NEBL: variants seen among roughly 807,000 people sequenced by gnomAD.
NEBL encodes the protein LIM and SH3 protein 2.
Under a neutral mutation model 140.2 loss-of-function variants are expected in NEBL, and 122 were observed. That is an observed-to-expected ratio of 0.87 (90% CI 0.75 to 1.01). The LOEUF (loss-of-function observed/expected upper bound fraction) is 1.01, where lower values mean the gene tolerates loss of function less well. Ranked by LOEUF, NEBL falls within the 50% of genes least tolerant of loss-of-function variation. The pLI is 0.00. For missense variants in NEBL, 1,365 were observed against 1,231.3 expected, an observed-to-expected ratio of 1.11 and a Z score of -1.62; for synonymous variants, 436 against 398.9, an observed-to-expected ratio of 1.09 and a Z score of -1.11.
chr10:20,961,672 A>G lies in NEBL; in HGVS notation c.357T>C (p.Asn119=), dbSNP rs115708584. ...TGCTATTGAATAAACAGGCACCTACATTACTGATTTGCTCCTGAGTCCTCT... is the reference window on the plus strand; with the variant it reads ...TGCTATTGAATAAACAGGCACCTACGTTACTGATTTGCTCCTGAGTCCTCT... The change falls in exon 4 of 7, where the codon AAT becomes AAC. Residue 119 remains asparagine, a splice_region_variant and synonymous_variant. Coordinates refer to the NEBL transcript ENST00000417816. The G allele has an allele frequency of 1.2e-3, 1,950 of 1,602,118 alleles. 15 individuals carry two copies. In the African/African-American group the frequency reaches 0.023, roughly 19 times the overall value.
intron 2 of NEBL, among the ~76,000 whole-genome samples, chr10:21,143,634 T>C (rs1009726510): frequency 6.6e-6 from 1 of 151,954 alleles, no homozygotes; most frequent in Non-Finnish European, 1.5e-5. Context: ...CCCAAAACAG[T>C]TGAAGAGGAC....
chr10:20,836,093 T>G (rs998322336), intron 13 of NEBL, among the ~76,000 whole-genome samples: 2 of 152,060 alleles, frequency 1.3e-5, no homozygotes, highest in African/African-American at 2.4e-5. Flanking sequence ...TTTTACAAAC[T>G]GAAGGTTTGT....
chr10:20,888,189 T>C lies in NEBL; in HGVS notation c.277A>G (p.Ile93Val), dbSNP rs762884881. The change falls in exon 4 of 28, where the codon ATT becomes GTT. Residue 93 changes from isoleucine (I) to valine (V), a missense_variant. Transcript: ENST00000377122. Reference sequence around the variant, plus strand: ...AGAGAATTAGAAAGGTCAGCTTTAATGGTGCCTTTGTATTTTGCCTGGGGG... The same window carrying C: ...AGAGAATTAGAAAGGTCAGCTTTAACGGTGCCTTTGTATTTTGCCTGGGGG... ...FISEAKYKGT[I>V]KADLSNSLYK... 90 of 1,610,922 alleles carry C rather than the reference T, an allele frequency of 5.6e-5. No individual in the cohort carries two copies. The Admixed American group carries it at 1.4e-3, about 26-fold the overall frequency.
intron 4 of NEBL, among the ~76,000 whole-genome samples, chr10:20,923,989 G>A (rs551851617): frequency 6.6e-6 from 1 of 152,088 alleles, no homozygotes; most frequent in Non-Finnish European, 1.5e-5. Context: ...AAGACACTAT[G>A]TAAGCTTTCA....
At chr10:20,827,854 T>C (rs950741766) in intron 17 of NEBL, among the ~76,000 whole-genome samples, 1 of 151,978 alleles carries the variant, frequency 6.6e-6, no homozygotes, top group Admixed American at 6.6e-5. Context: ...TTCTCACTTA[T>C]AAGTGGGAGC....
At chr10:21,076,702 T>C (rs1032337917) in intron 2 of NEBL, among the ~76,000 whole-genome samples, 5 of 152,152 alleles carry the variant, frequency 3.3e-5, no homozygotes, top group Admixed American at 3.3e-4. Context: ...GAAATTCTGA[T>C]GCATACTACA....
chr10:21,189,132 C>T (rs1281491371), intron 3 of NEBL, among the ~76,000 whole-genome samples: 1 of 152,076 alleles, frequency 6.6e-6, no homozygotes, highest in Non-Finnish European at 1.5e-5. Flanking sequence ...TAAAAAGGGT[C>T]TCTGCAGATT....
At chr10:20,983,616 G>A (rs937833359) in intron 3 of NEBL, among the ~76,000 whole-genome samples, 3 of 152,200 alleles carry the variant, frequency 2.0e-5, no homozygotes, top group Admixed American at 6.5e-5. Flanking sequence ...GATAACTAGC[G>A]CAGTCTAATT....
intron 2 of NEBL, chr10:21,146,581 T>C: frequency 1.7e-6 from 2 of 1,159,700 alleles, no homozygotes; most frequent in South Asian, 2.9e-5. Context: ...AACTTTCATC[T>C]TAATTACAGA....
intron 1 of NEBL, among the ~76,000 whole-genome samples, chr10:21,275,858 A>G (rs1842915949): frequency 7.6e-6 from 1 of 130,776 alleles, no homozygotes; most frequent in African/African-American, 3.0e-5. Context: ...GGGTTTCTCC[A>G]TATTGGTCAG....
chr10:20,878,902 T>C (rs1207175396), intron 5 of NEBL, among the ~76,000 whole-genome samples: 1 of 152,198 alleles, frequency 6.6e-6, no homozygotes, highest in Non-Finnish European at 1.5e-5. Context: ...CCCAGTTCTA[T>C]GATAAGGAAC....
At chr10:21,227,687 TTC>T (rs1232474521) in intron 3 of NEBL, among the ~76,000 whole-genome samples, 485 of 90,486 alleles carry the variant, frequency 5.4e-3, no homozygotes, top group African/African-American at 0.023. Flanking sequence ...CTTCTTCTTC[TTC>T]TTCTTCTTCT....
chr10:21,153,812 C>T (rs753184185), intron 2 of NEBL, among the ~76,000 whole-genome samples: 11 of 152,012 alleles, frequency 7.2e-5, no homozygotes, highest in Non-Finnish European at 1.0e-4. Flanking sequence ...CCGTGCCCGG[C>T]CATAAATTAA....
At chr10:21,199,107 C>T (rs1056948566) in intron 3 of NEBL, among the ~76,000 whole-genome samples, 1 of 151,878 alleles carries the variant, frequency 6.6e-6, no homozygotes, top group Non-Finnish European at 1.5e-5. Flanking sequence ...TCACTGCAGC[C>T]TCCAACTCCT....
At chr10:20,983,886 T>TA (rs1837149765) in intron 3 of NEBL, among the ~76,000 whole-genome samples, 1 of 152,232 alleles carries the variant, frequency 6.6e-6, no homozygotes, top group African/African-American at 2.4e-5. Flanking sequence ...AAGTCCTATT[T>TA]AAAATGCCTC....
chr10:20,850,327 C>T, intron 11 of NEBL, 68 bp downstream of exon 11: 3 of 1,265,968 alleles, frequency 2.4e-6, no homozygotes, highest in South Asian at 2.4e-5. Context: ...ACTGAACATT[C>T]TGCGTCCTTT....
chr10:21,014,434 G>C lies in NEBL; in HGVS notation c.249+5683C>G, dbSNP rs1160889995. Reference sequence around the variant, plus strand: ...CAGTGGCAAAAGAAATTTAGGTCAAGTTTAAGATTGGGCAATCATACAGAG... The same window carrying C: ...CAGTGGCAAAAGAAATTTAGGTCAACTTTAAGATTGGGCAATCATACAGAG... On this transcript the variant is annotated intron_variant, in intron 3 of 6. Coordinates refer to the NEBL transcript ENST00000417816. 2.6e-5 allele frequency among the ~76,000 whole-genome samples: 4 copies of C among 152,296 alleles called. No individual in the cohort carries two copies. In the East Asian group the frequency reaches 7.7e-4, roughly 29 times the overall value.
chr10:21,174,905 A>C (rs1841263525), upstream of NEBL: 3 of 152,166 alleles, frequency 2.0e-5, 1 homozygote, highest in South Asian at 6.2e-4. Context: ...ATAAATGAAT[A>C]TGGCTCGTTT....
intron 4 of NEBL, among the ~76,000 whole-genome samples, chr10:20,937,563 A>G (rs1352251596): frequency 6.6e-6 from 1 of 152,174 alleles, no homozygotes; most frequent in Non-Finnish European, 1.5e-5. Flanking sequence ...GACTGGGTTC[A>G]TCTCACTGGG....
Sources: allele counts gnomAD v4.1 joint callset (sites outside exome capture counted in the v4.1 genomes callset), GRCh38; gene constraint gnomAD v4.1.1; transcripts MANE v1.5; gene names NCBI Gene and HGNC (gene_info 2026-07-23, HGNC 2026-07-21).